Variants in PLEKHS1 observed in about 807,000 individuals in gnomAD.
PLEKHS1 encodes pleckstrin homology domain-containing family S member 1.
Under a neutral mutation model 51.0 loss-of-function variants are expected in PLEKHS1, and 55 were observed. The ratio of observed to expected loss-of-function variants is 1.08; its 90% CI spans 0.87 to 1.35. The LOEUF is 1.35. Among genes scored for constraint, PLEKHS1 ranks in the 40% most tolerant of loss-of-function variants. The probability of loss-of-function intolerance (pLI) is 0.00; values close to 1 mark genes in which losing one functional copy is unlikely to be tolerated. For synonymous variants in PLEKHS1, 153 were observed against 144.8 expected (o/e 1.06, Z -0.41); for missense variants, 398 against 423.0 (o/e 0.94, Z 0.52).
At chr10:113,755,374 C>A in intron 2 of PLEKHS1, 69 bp downstream of exon 2, 1 of 1,568,038 alleles carries the variant, frequency 6.4e-7, no homozygotes, top group South Asian at 1.2e-5. Context: ...TTCCTTCAAG[C>A]TAACCAGGAT....
At chr10:113,757,056 G>A (rs72835700) in intron 2 of PLEKHS1, among the ~76,000 whole-genome samples, 3 of 151,802 alleles carry the variant, frequency 2.0e-5, no homozygotes, top group South Asian at 2.1e-4. Context: ...GCTAGGAGGC[G>A]CCTGCCACCA....
At chr10:113,783,414 T>C (rs1370334466), downstream of PLEKHS1, 1 of 152,148 alleles carries the variant, frequency 6.6e-6, no homozygotes, top group East Asian at 1.9e-4. Context: ...AAATAAATGT[T>C]TGGTGTTTGT....
At chr10:113,756,567 A>G (rs147367040) in intron 2 of PLEKHS1, among the ~76,000 whole-genome samples, 5 of 152,350 alleles carry the variant, frequency 3.3e-5, no homozygotes, top group East Asian at 1.9e-4. Context: ...TACAAATGCT[A>G]TGGAGTCTGA....
intron 9 of PLEKHS1, 29 bp from the exon 10 acceptor site, chr10:113,774,797 A>C (rs1844570360): frequency 6.3e-7 from 1 of 1,585,458 alleles, no homozygotes; most frequent in African/African-American, 1.3e-5. Context: ...ATGCTAAAAT[A>C]GGGCTTGTTT....
At chr10:113,774,292 C>G in exon 9 of PLEKHS1, 1 of 1,591,008 alleles carries the variant, frequency 6.3e-7, no homozygotes, top group Middle Eastern at 1.7e-4. Flanking sequence ...CAGACCAGGT[C>G]TCTGGAAGAA....
intron 2 of PLEKHS1, among the ~76,000 whole-genome samples, chr10:113,757,287 G>C (rs545295877): frequency 6.6e-6 from 1 of 152,158 alleles, no homozygotes; most frequent in Non-Finnish European, 1.5e-5. Flanking sequence ...TATATCTAAA[G>C]TGTACAATTT....
chr10:113,766,196 C>T (rs1016149780), intron 2 of PLEKHS1, among the ~76,000 whole-genome samples: 2 of 152,214 alleles, frequency 1.3e-5, no homozygotes, highest in Non-Finnish European at 2.9e-5. Flanking sequence ...GCTGAATTAA[C>T]ATGGTTTCAA....
intron 2 of PLEKHS1, 74 bp downstream of exon 2, chr10:113,755,379 C>A: frequency 6.4e-7 from 1 of 1,558,272 alleles, no homozygotes; most frequent in Non-Finnish European, 8.7e-7. Flanking sequence ...TCAAGCTAAC[C>A]AGGATACAGA....
chr10:113,774,829 T>C, exon 10 of PLEKHS1: 1 of 1,613,522 alleles, frequency 6.2e-7, no homozygotes, highest in Non-Finnish European at 8.5e-7. Context: ...GCTCTAGTTT[T>C]TTCAAAGAGA....
At chr10:113,765,924 T>C (rs1368807575) in intron 2 of PLEKHS1, among the ~76,000 whole-genome samples, 1 of 152,262 alleles carries the variant, frequency 6.6e-6, no homozygotes, top group Non-Finnish European at 1.5e-5. Context: ...CTGGGGCTAT[T>C]AGGATAGTAT....
intron 7 of PLEKHS1, among the ~76,000 whole-genome samples, chr10:113,770,521 G>A (rs1007442981): frequency 5.3e-5 from 8 of 152,114 alleles, no homozygotes; most frequent in African/African-American, 1.7e-4. Context: ...TCTCTGGCAC[G>A]GATACTATTT....
intron 2 of PLEKHS1, 25 bp from the exon 3 acceptor site, chr10:113,766,386 A>G: frequency 1.4e-6 from 2 of 1,406,424 alleles, no homozygotes. Flanking sequence ...TGAGGAACAA[A>G]CTGAGTTCTG....
At chr10:113,755,033 CCACT>C (rs917334902) in intron 1 of PLEKHS1, among the ~76,000 whole-genome samples, 1 of 152,182 alleles carries the variant, frequency 6.6e-6, no homozygotes, top group African/African-American at 2.4e-5. Context: ...GCAGAACCAC[CCACT>C]GTGTGAGGAC....
chr10:113,759,393 C>T (rs7082341), intron 2 of PLEKHS1, among the ~76,000 whole-genome samples: 27,965 of 152,130 alleles, frequency 0.18, 2,690 homozygotes, highest in South Asian at 0.28. Flanking sequence ...ATAGTAAACA[C>T]ACTCATCACT....
At chr10:113,780,146 T>C (rs919045481) in intron 11 of PLEKHS1, among the ~76,000 whole-genome samples, 4 of 150,890 alleles carry the variant, frequency 2.7e-5, no homozygotes, top group African/African-American at 9.8e-5. Context: ...GGGCAGGGAT[T>C]GGGAGGGGAG....
At chr10:113,760,829 A>G (rs893693654) in intron 2 of PLEKHS1, among the ~76,000 whole-genome samples, 1 of 152,094 alleles carries the variant, frequency 6.6e-6, no homozygotes, top group Non-Finnish European at 1.5e-5. Flanking sequence ...AGTCTAGTTT[A>G]TCTTTTTTGT....
At chr10:113,781,093 C>T (rs1180657720) in exon 12 of PLEKHS1, 2 of 336,306 alleles carry the variant, frequency 5.9e-6, no homozygotes, top group Non-Finnish European at 5.5e-6. Flanking sequence ...ATGTGGTCCA[C>T]ACAATTCCTT....
intron 5 of PLEKHS1, among the ~76,000 whole-genome samples, chr10:113,768,389 C>A (rs897433621): frequency 6.6e-6 from 1 of 152,134 alleles, no homozygotes; most frequent in Non-Finnish European, 1.5e-5. Flanking sequence ...TTTAAGTTGT[C>A]CTGTGAGTCC....
chr10:113,777,150 GT>G, intron 11 of PLEKHS1: 3 of 1,612,752 alleles, frequency 1.9e-6, no homozygotes, highest in Non-Finnish European at 2.5e-6. Context: ...GGCCCCCCAC[GT>G]TTGGGATGCA....
Sources: gnomAD v4.1 joint callset for allele counts (sites outside exome capture counted in the v4.1 genomes callset) on GRCh38, gnomAD v4.1.1 for gene constraint, MANE v1.5 for transcripts, NCBI Gene and HGNC (gene_info 2026-07-23, HGNC 2026-07-21) for gene names.